Variants in TAOK3 observed in about 807,000 individuals in gnomAD.
The protein encoded by TAOK3 is serine/threonine-protein kinase TAO3.
Under a neutral mutation model 120.4 loss-of-function variants are expected in TAOK3, and 40 were observed. The ratio of observed to expected loss-of-function variants is 0.33; its 90% CI spans 0.26 to 0.43. The LOEUF is 0.43. TAOK3 is among the 20% of genes least tolerant of loss of function. The pLI is 1.00. For synonymous variants in TAOK3, 355 were observed against 387.5 expected, an observed-to-expected ratio of 0.92 and a Z score of 0.99; for missense variants, 821 against 1,112.1, an observed-to-expected ratio of 0.74 and a Z score of 3.72.
At chr12:118,339,361 C>G (rs146025723) in intron 1 of TAOK3, among the ~76,000 whole-genome samples, 3,257 of 146,898 alleles carry the variant, frequency 0.022, 51 homozygotes, top group Middle Eastern at 0.056. Context: ...CTCGGCTCAC[C>G]GCAACCTCCG....
At chr12:118,215,921 T>G (rs1264965883) in intron 9 of TAOK3, among the ~76,000 whole-genome samples, 2 of 151,134 alleles carry the variant, frequency 1.3e-5, no homozygotes, top group East Asian at 3.9e-4. Flanking sequence ...GTATAGAGGC[T>G]GGGCGCGTTG....
chr12:118,201,317 A>G lies in TAOK3; in HGVS notation c.966T>C (p.Asn322=), dbSNP rs769064762. 1.2e-6 allele frequency: 2 copies of G among 1,613,750 alleles called. No individual in the cohort carries two copies. The highest frequency in any genetic ancestry group is 1.7e-6 in the Non-Finnish European group (2 of 1,179,832). ...LFQETRNGPL[N]ESQEDEEDSE... ...CTACTTCCTCATCCTCCTGTGACTC[A>G]TTCAAGGGTCCATTCCGTGTCTCTT... is the stretch of plus-strand genomic sequence containing the variant. Residue 322 remains asparagine (N), a synonymous_variant, in exon 12 of 21, where the codon AAT becomes AAC. Coordinates refer to ENST00000392533, the MANE Select transcript of TAOK3 (RefSeq NM_016281.4).
rs970221559 is a variant in TAOK3, at chr12:118,208,268, A to C, written c.819+4646T>G. ...ATGTCAGGGCAAAAATGCATGGAAA[A>C]GATGTATTATTGAAAAATATCTGGG... On this transcript the variant is annotated intron_variant, in intron 11 of 20. Coordinates refer to ENST00000392533, the MANE Select transcript of TAOK3 (RefSeq NM_016281.4). 3.9e-5 allele frequency among the ~76,000 whole-genome samples: 6 copies of C among 152,320 alleles called. No individual in the cohort carries two copies. The East Asian group carries it at 1.2e-3, about 29-fold the overall frequency.
At chr12:118,349,386 G>C (rs964760222) in intron 1 of TAOK3, among the ~76,000 whole-genome samples, 3 of 152,124 alleles carry the variant, frequency 2.0e-5, no homozygotes, top group African/African-American at 7.2e-5. Flanking sequence ...TGAATAATCA[G>C]AATGTGGCAC....
chr12:118,312,680 T>A (rs1218699908), intron 1 of TAOK3, among the ~76,000 whole-genome samples: 1 of 152,184 alleles, frequency 6.6e-6, no homozygotes, highest in Admixed American at 6.5e-5. Flanking sequence ...CTAAAGGAAA[T>A]TAATTGTCCA....
chr12:118,328,813 G>A (rs971292932), intron 1 of TAOK3, among the ~76,000 whole-genome samples: 2 of 152,324 alleles, frequency 1.3e-5, no homozygotes, highest in Non-Finnish European at 2.9e-5. Context: ...AAGATAACAA[G>A]TGGATATTTT....
At chr12:118,367,278 A>G (rs1001002869) in intron 1 of TAOK3, among the ~76,000 whole-genome samples, 1 of 152,110 alleles carries the variant, frequency 6.6e-6, no homozygotes, top group African/African-American at 2.4e-5. Context: ...ATAATTCAAT[A>G]TCCCTAACAA....
intron 1 of TAOK3, among the ~76,000 whole-genome samples, chr12:118,281,285 G>A (rs1443176476): frequency 6.6e-6 from 1 of 152,050 alleles, no homozygotes; most frequent in African/African-American, 2.4e-5. Context: ...GGAATGCTTT[G>A]GCTTTTACCT....
At chr12:118,364,634 A>AC (rs1350015606) in intron 1 of TAOK3, among the ~76,000 whole-genome samples, 1 of 152,200 alleles carries the variant, frequency 6.6e-6, no homozygotes, top group Non-Finnish European at 1.5e-5. Flanking sequence ...GAGGCCAGGC[A>AC]CAGTGGCTGG....
chr12:118,170,491 G>A (rs903367358), intron 17 of TAOK3, among the ~76,000 whole-genome samples: 4 of 152,170 alleles, frequency 2.6e-5, no homozygotes, highest in Non-Finnish European at 5.9e-5. Flanking sequence ...GCTGGATGTG[G>A]TGGCTCATGC....
intron 1 of TAOK3, among the ~76,000 whole-genome samples, chr12:118,327,027 A>G (rs943527533): frequency 6.6e-6 from 1 of 152,240 alleles, no homozygotes; most frequent in African/African-American, 2.4e-5. Flanking sequence ...ACATCTGCAC[A>G]TATCAGTCTA....
chr12:118,263,393 C>T (rs942819458), intron 2 of TAOK3, among the ~76,000 whole-genome samples: 2 of 152,182 alleles, frequency 1.3e-5, no homozygotes, highest in East Asian at 1.9e-4. Flanking sequence ...AACTTCTAGA[C>T]GAAGGTACAG....
chr12:118,171,371 TGTTTGAGATAA>T (rs1258700058), intron 17 of TAOK3, among the ~76,000 whole-genome samples: 2 of 152,226 alleles, frequency 1.3e-5, no homozygotes, highest in Non-Finnish European at 2.9e-5. Flanking sequence ...TTTGTTTGTT[TGTTTGAGATAA>T]GTCTCACTCT....
At chr12:118,250,131 T>A (rs1044339519) in intron 3 of TAOK3, among the ~76,000 whole-genome samples, 9 of 152,218 alleles carry the variant, frequency 5.9e-5, no homozygotes, top group Admixed American at 1.3e-4. Context: ...TTTATTTTTT[T>A]AATTTTTTTT....
At chr12:118,179,101 T>C (rs954579725) in intron 15 of TAOK3, among the ~76,000 whole-genome samples, 4 of 152,268 alleles carry the variant, frequency 2.6e-5, no homozygotes, top group Non-Finnish European at 5.9e-5. Flanking sequence ...ATCATCCTTG[T>C]CTGGGCAGAG....
chr12:118,245,534 T>C (rs565023354), intron 3 of TAOK3, among the ~76,000 whole-genome samples: 1 of 152,058 alleles, frequency 6.6e-6, no homozygotes, highest in South Asian at 2.1e-4. Context: ...GCCAGGCTGG[T>C]CTCAAACTCC....
At chr12:118,166,215 T>A (rs1206668801) in intron 17 of TAOK3, among the ~76,000 whole-genome samples, 1 of 152,158 alleles carries the variant, frequency 6.6e-6, no homozygotes, top group Non-Finnish European at 1.5e-5. Context: ...CTCAGGTATT[T>A]AGCTTCTCAG....
At chr12:118,203,195 G>A (rs1436767140) in intron 11 of TAOK3, among the ~76,000 whole-genome samples, 1 of 151,916 alleles carries the variant, frequency 6.6e-6, no homozygotes, top group Non-Finnish European at 1.5e-5. Flanking sequence ...GTGTATGCTT[G>A]AAAATATGCC....
At chr12:118,223,513 A>AT (rs768185067) in intron 9 of TAOK3, among the ~76,000 whole-genome samples, 4 of 146,332 alleles carry the variant, frequency 2.7e-5, no homozygotes, top group Non-Finnish European at 6.0e-5. Context: ...CGTCTGGCTA[A>AT]TTTTTTGTAT....
Sources: allele counts gnomAD v4.1 joint callset (sites outside exome capture counted in the v4.1 genomes callset), GRCh38; gene constraint gnomAD v4.1.1; transcripts MANE v1.5; gene names NCBI Gene and HGNC (gene_info 2026-07-23, HGNC 2026-07-21).